CARS1: variants seen among roughly 807,000 people sequenced by gnomAD.
CARS1 encodes the protein cysteine--tRNA ligase, cytoplasmic.
Under a neutral mutation model 106.2 loss-of-function variants are expected in CARS1, and 48 were observed. The observed-to-expected ratio is 0.45, with a 90% CI of 0.36 to 0.57. CARS1 has a LOEUF of 0.57. CARS1 is among the 20% of genes least tolerant of loss of function. The pLI is 0.00. For synonymous variants in CARS1, 409 were observed against 403.4 expected (o/e 1.01, Z -0.17); for missense variants, 968 against 1,057.2 (o/e 0.92, Z 1.17).
chr11:3,020,303 T>G lies in CARS1; in HGVS notation c.1183A>C (p.Ser395Arg), dbSNP rs935338719. The G allele has an allele frequency of 2.5e-6, 4 of 1,613,652 alleles. No individual in the cohort carries two copies. The African/African-American group carries it at 5.3e-5, about 22-fold the overall frequency. ...AAGTCGTTGGGAGAGCGCTTCTCAC[T>G]CAGGCGGTCTGCAGAGATGCTCAGG... is the stretch of plus-strand genomic sequence containing the variant. ...GDLSISADRL[S>R]EKRSPNDFAL... Residue 395 changes from serine to arginine, a missense_variant, in exon 11 of 23, where the codon AGT (serine) becomes CGT (arginine). Transcript: ENST00000380525. This position sits in a 1 kb window ranked among gnomAD's most constrained non-coding sequence, Gnocchi z 4.6.
At chr11:3,012,347 A>T in intron 17 of CARS1, 71 bp from the exon 18 acceptor site, 1 of 1,329,516 alleles carries the variant, frequency 7.5e-7, no homozygotes, top group Non-Finnish European at 1.1e-6. Context: ...ATAATAGCTC[A>T]GTGGCCGCGA....
chr11:3,015,109 G>A (rs1850858943), intron 17 of CARS1, among the ~76,000 whole-genome samples: 1 of 152,236 alleles, frequency 6.6e-6, no homozygotes, highest in African/African-American at 2.4e-5. Context: ...CTGACAGTGT[G>A]TGTCTGCTCA....
chr11:3,044,467 A>T lies in CARS1; in HGVS notation c.275-2211T>A, dbSNP rs866734430. ...GCTGAAGTGCACTGGCGCAATCTCAACTCACTGCAACCTCCGCCTCCTGAG... is the reference window on the plus strand; with the variant it reads ...GCTGAAGTGCACTGGCGCAATCTCATCTCACTGCAACCTCCGCCTCCTGAG... On this transcript the variant is annotated intron_variant, in intron 2 of 22. Coordinates refer to ENST00000380525, the MANE Select transcript of CARS1 (RefSeq NM_001014437.3). The surrounding 1 kb of genome is among the most constrained non-coding windows in gnomAD (Gnocchi z 4.4). Among the ~76,000 whole-genome samples, 33 of 151,484 alleles carry T rather than the reference A, an allele frequency of 2.2e-4. No individual in the cohort carries two copies. In the Middle Eastern group the frequency reaches 0.01, roughly 47 times the overall value.
Position 3,039,817 on chromosome 11 carries a change from CT to C in CARS1, c.552+17del. ...CATCCAATTGCATTTAAAATTTAAT[CT>C]TACAAATTCCCTTTACCTTGTCATC... On this transcript the variant is annotated intron_variant, in intron 5 of 22. Coordinates refer to ENST00000380525, the MANE Select transcript of CARS1 (RefSeq NM_001014437.3). This position sits in a 1 kb window ranked among gnomAD's most constrained non-coding sequence, Gnocchi z 5.6. 7.6e-7 allele frequency: 1 copy of C among 1,309,646 alleles called. No homozygotes were observed. The highest frequency in any genetic ancestry group is 1.1e-6 in the Non-Finnish European group (1 of 935,366). The allele number at this position is 1,309,646 out of a possible 1,614,324, so 81.1% of individuals were successfully genotyped here.
At chr11:3,005,272 A>C (rs1849747523) in intron 20 of CARS1, 94 bp downstream of exon 20, 3 of 897,972 alleles carry the variant, frequency 3.3e-6, no homozygotes, top group Non-Finnish European at 5.3e-6. Flanking sequence ...TAAAAGTGTA[A>C]ACATCAATGC....
rs1854243382 is a variant in CARS1, at chr11:3,040,112, C to T, written c.456-181G>A. On this transcript the variant is annotated intron_variant, in intron 4 of 22. Transcript: ENST00000380525. The surrounding 1 kb of genome is among the most constrained non-coding windows in gnomAD (Gnocchi z 5.8). ...AACGTGAAGATGGCAAGGATGATGA[C>T]CTTTATAATGATCCACTTCCACCTA... 2 of 535,650 alleles carry T rather than the reference C, an allele frequency of 3.7e-6. No individual in the cohort carries two copies. Among genetic ancestry groups the T allele is most frequent in the Non-Finnish European group, 6.5e-6 (2 of 306,032 alleles). The allele number at this position is 535,650 out of a possible 1,614,324, so 33.2% of individuals were successfully genotyped here.
intron 17 of CARS1, among the ~76,000 whole-genome samples, chr11:3,014,024 TC>T (rs1410873904): frequency 6.6e-6 from 1 of 151,914 alleles, no homozygotes; most frequent in African/African-American, 2.4e-5. Context: ...TAAGCCAAGC[TC>T]CCTGAGACCC....
intron 18 of CARS1, among the ~76,000 whole-genome samples, chr11:3,010,864 T>A (rs753623241): frequency 6.6e-6 from 1 of 152,214 alleles, no homozygotes; most frequent in Non-Finnish European, 1.5e-5. Flanking sequence ...GTCTGCTCTG[T>A]CTTCAGCATG....
At chr11:3,011,728 C>T (rs1452290099) in intron 18 of CARS1, among the ~76,000 whole-genome samples, 1 of 152,122 alleles carries the variant, frequency 6.6e-6, no homozygotes, top group Non-Finnish European at 1.5e-5. Context: ...AAAAGGGAAC[C>T]CTGGAAGCTG....
Position 3,038,520 on chromosome 11 carries a change from T to C in CARS1, c.652-321A>G, listed in dbSNP as rs1267520160. Among the ~76,000 whole-genome samples, 1 of 152,190 alleles carries C rather than the reference T, an allele frequency of 6.6e-6. No homozygotes were observed. Among genetic ancestry groups the C allele is most frequent in the Admixed American group, 6.5e-5 (1 of 15,286 alleles). On this transcript the variant is annotated intron_variant, in intron 6 of 22. Coordinates refer to ENST00000380525, the MANE Select transcript of CARS1 (RefSeq NM_001014437.3). The surrounding 1 kb of genome is among the most constrained non-coding windows in gnomAD (Gnocchi z 4.0). ...GGATGAGGAAAAGTAGGCCACCCAGTGTGTTCTGAGGTGTGCTGCAGACAC... is the reference window on the plus strand; with the variant it reads ...GGATGAGGAAAAGTAGGCCACCCAGCGTGTTCTGAGGTGTGCTGCAGACAC...
chr11:3,047,881 T>A lies in CARS1; in HGVS notation c.146A>T (p.Asp49Val). The A allele has an allele frequency of 6.2e-7, 1 of 1,614,056 alleles. No individual in the cohort carries two copies. Among genetic ancestry groups the A allele is most frequent in the Non-Finnish European group, 8.5e-7 (1 of 1,180,016 alleles). ...QGYSLSQADV[D>V]AFRQLSAPPA... ...CGGGGCCGAGAGCTGCCTGAACGCGTCCACGTCTGCCTGGGACAGTGAGTA... is the reference window on the plus strand; with the variant it reads ...CGGGGCCGAGAGCTGCCTGAACGCGACCACGTCTGCCTGGGACAGTGAGTA... Residue 49 changes from aspartate to valine, a missense_variant, in exon 2 of 23, where the codon GAC becomes GTC. Transcript: ENST00000380525.
rs1854869973 is a variant in CARS1, at chr11:3,044,438, T to C, written c.275-2182A>G. Among the ~76,000 whole-genome samples the C allele has an allele frequency of 6.6e-6, 1 of 151,354 alleles. No individual in the cohort carries two copies. Among genetic ancestry groups the C allele is most frequent in the Admixed American group, 6.6e-5 (1 of 15,190 alleles). The stretch of plus-strand genomic sequence containing the variant: ...CCCCCTTTTTTTTTTTTAGATAAAA[T>C]CTGGCTGAAGTGCACTGGCGCAATC... On this transcript the variant is annotated intron_variant, in intron 2 of 22. Transcript: ENST00000380525. The surrounding 1 kb of genome is among the most constrained non-coding windows in gnomAD (Gnocchi z 4.4).
intron 22 of CARS1, among the ~76,000 whole-genome samples, chr11:3,001,685 G>A (rs1849413634): frequency 6.6e-6 from 1 of 152,200 alleles, no homozygotes; most frequent in African/African-American, 2.4e-5. Context: ...AGCTTGTGAG[G>A]GCCTGGGTGG....
Position 3,032,980 on chromosome 11 carries a change from C to T in CARS1, c.802-3537G>A, listed in dbSNP as rs142589861. ...TGGGTGCGGATGCTGGGGGAGGTGA[C>T]GGTGAGGTGGGTAGGGGATATATAT... On this transcript the variant is annotated intron_variant, in intron 7 of 22. Transcript: ENST00000380525. 8.8e-4 allele frequency among the ~76,000 whole-genome samples: 133 copies of T among 151,286 alleles called. No homozygotes were observed. In the East Asian group the frequency reaches 9.5e-3, roughly 11 times the overall value.
intron 10 of CARS1, 37 bp downstream of exon 10, chr11:3,026,635 AGGAG>A: frequency 6.2e-7 from 1 of 1,607,878 alleles, no homozygotes; most frequent in Non-Finnish European, 8.5e-7. Flanking sequence ...AGGCTGGGCC[AGGAG>A]GGAGAGCCCA....
Position 3,040,640 on chromosome 11 carries a change from G to T in CARS1, c.455+256C>A. On this transcript the variant is annotated intron_variant, in intron 4 of 22. Transcript: ENST00000380525. This position sits in a 1 kb window ranked among gnomAD's most constrained non-coding sequence, Gnocchi z 5.8. ...AGAAAAAGTGCCCAGGTCGAGTCCA[G>T]CATGTTAGCAGTGGGGCTATGGACA... 1 of 663,014 alleles carries T rather than the reference G, an allele frequency of 1.5e-6. No homozygotes were observed. The highest frequency in any genetic ancestry group is 2.8e-6 in the Non-Finnish European group (1 of 361,336). 41.1% of individuals were successfully genotyped at this position (663,014 alleles called of 1,614,324 possible). A position where few individuals can be genotyped will look rare whatever the true frequency, so the allele number is the denominator to read the frequency against.
rs896280999 is a variant in CARS1 at position 3,050,617 on chromosome 11, C to T, written c.26-2616G>A. Among the ~76,000 whole-genome samples the T allele has an allele frequency of 6.6e-6, 1 of 152,244 alleles. No homozygotes were observed. On this transcript the variant is annotated intron_variant, in intron 1 of 22. Coordinates refer to ENST00000380525, the MANE Select transcript of CARS1 (RefSeq NM_001014437.3). The surrounding 1 kb of genome is among the most constrained non-coding windows in gnomAD (Gnocchi z 6.3). ...CGTTCACATTACTGCCCCCAACACCCACCTCGCCAGCAGCACAAGCCTGTC... is the reference window on the plus strand; with the variant it reads ...CGTTCACATTACTGCCCCCAACACCTACCTCGCCAGCAGCACAAGCCTGTC...
At position 3,019,906 on chromosome 11, in the gene CARS1, C is replaced by T. The variant is rs750567331; in HGVS notation, c.1266+314G>A. Among the ~76,000 whole-genome samples, 4 of 152,196 alleles carry T rather than the reference C, an allele frequency of 2.6e-5. No individual in the cohort carries two copies. Among genetic ancestry groups the T allele is most frequent in the African/African-American group, 4.8e-5 (2 of 41,452 alleles). ...CGGGAAGATCAGAACGCATCCTACACCCTGGGGCCTGGAATACTCAGAGTC... is the reference window on the plus strand; with the variant it reads ...CGGGAAGATCAGAACGCATCCTACATCCTGGGGCCTGGAATACTCAGAGTC... On this transcript the variant is annotated intron_variant, in intron 11 of 22. Coordinates refer to ENST00000380525, the MANE Select transcript of CARS1 (RefSeq NM_001014437.3). This position sits in a 1 kb window ranked among gnomAD's most constrained non-coding sequence, Gnocchi z 6.2.
chr11:3,005,719 G>A (rs1273116786), intron 19 of CARS1, among the ~76,000 whole-genome samples: 2 of 146,728 alleles, frequency 1.4e-5, no homozygotes, highest in African/African-American at 5.1e-5. Flanking sequence ...TGCAACCTTT[G>A]CCTATCGGGT....
Sources: gnomAD v4.1 joint callset for allele counts (sites outside exome capture counted in the v4.1 genomes callset) on GRCh38, gnomAD v4.1.1 for gene constraint, Gnocchi (gnomAD v3.1) non-coding constraint, MANE v1.5 for transcripts, NCBI Gene and HGNC (gene_info 2026-07-23, HGNC 2026-07-21) for gene names.